The following ZCCHC7 variants were observed in gnomAD, a reference collection of about 807,000 sequenced individuals.
ZCCHC7 encodes zinc finger CCHC-type containing 7.
ZCCHC7 carries 35 observed loss-of-function variants against 52.0 expected under a neutral mutation model. That is an observed-to-expected ratio of 0.67 (90% CI 0.51 to 0.89). The LOEUF (loss-of-function observed/expected upper bound fraction) is 0.89. Ranked by LOEUF, ZCCHC7 falls within the 40% of genes least tolerant of loss-of-function variation. The pLI, the probability that ZCCHC7 is intolerant of heterozygous loss-of-function variation, is 0.00. For missense variants in ZCCHC7, 574 were observed against 649.1 expected, an observed-to-expected ratio of 0.88 and a Z score of 1.26; for synonymous variants, 217 against 221.5, an observed-to-expected ratio of 0.98 and a Z score of 0.18.
intron 2 of ZCCHC7, among the ~76,000 whole-genome samples, chr9:37,165,616 G>T (rs1375320902): frequency 2.6e-5 from 4 of 152,074 alleles, no homozygotes; most frequent in Non-Finnish European, 5.9e-5. Context: ...TATTAAAGTG[G>T]TCTTGTATTT....
chr9:37,178,475 AGAG>A (rs1444172484), intron 2 of ZCCHC7, among the ~76,000 whole-genome samples: 2 of 152,012 alleles, frequency 1.3e-5, no homozygotes, highest in Non-Finnish European at 2.9e-5. Context: ...AGAAGGTAAA[AGAG>A]AAAGTAGAAA....
At chr9:37,206,641 G>C (rs942977331) in intron 2 of ZCCHC7, among the ~76,000 whole-genome samples, 6 of 152,186 alleles carry the variant, frequency 3.9e-5, no homozygotes, top group East Asian at 1.9e-4. Flanking sequence ...TGTGAGCCAC[G>C]ATGCTGGGCC....
chr9:37,164,464 G>GAT (rs1461728793), intron 2 of ZCCHC7, among the ~76,000 whole-genome samples: 7 of 149,990 alleles, frequency 4.7e-5, no homozygotes, highest in Non-Finnish European at 1.0e-4. Flanking sequence ...TAGATAGATA[G>GAT]ATAGATAGAT....
chr9:37,304,051 G>C, intron 3 of ZCCHC7, 137 bp from the exon 4 acceptor site: 1 of 770,406 alleles, frequency 1.3e-6, no homozygotes, highest in South Asian at 1.9e-5. Context: ...TAATTCTCTT[G>C]CTTTATCAAG....
chr9:37,266,878 A>G (rs141566162), intron 2 of ZCCHC7, among the ~76,000 whole-genome samples: 1 of 152,332 alleles, frequency 6.6e-6, no homozygotes, highest in Non-Finnish European at 1.5e-5. Context: ...TGTCTCAAAA[A>G]ACAAAGTCTA....
intron 2 of ZCCHC7, among the ~76,000 whole-genome samples, chr9:37,172,797 G>A (rs556075237): frequency 6.6e-6 from 1 of 152,006 alleles, no homozygotes; most frequent in African/African-American, 2.4e-5. Context: ...AGTGAGCAGT[G>A]TGGGCATTCC....
chr9:37,156,377 C>T (rs776974819), intron 2 of ZCCHC7, among the ~76,000 whole-genome samples: 3 of 152,216 alleles, frequency 2.0e-5, no homozygotes, highest in East Asian at 3.9e-4. Flanking sequence ...TTTTTCAACT[C>T]GTTTCATGAT....
chr9:37,322,393 A>G (rs1051284659), intron 5 of ZCCHC7: 5 of 152,146 alleles, frequency 3.3e-5, no homozygotes, highest in Non-Finnish European at 5.9e-5. Context: ...AAGAGGAGGA[A>G]AGGCTAGTAA....
At chr9:37,279,316 GT>G (rs759656114) in intron 2 of ZCCHC7, among the ~76,000 whole-genome samples, 30 of 151,606 alleles carry the variant, frequency 2.0e-4, no homozygotes, top group Admixed American at 3.9e-4. Flanking sequence ...TTGGTGACAA[GT>G]TTTTTACATT....
chr9:37,254,921 G>A (rs953703044), intron 2 of ZCCHC7, among the ~76,000 whole-genome samples: 1 of 132,830 alleles, frequency 7.5e-6, no homozygotes, highest in Non-Finnish European at 1.5e-5. Flanking sequence ...CATGTAAATT[G>A]ATGGTTCAAA....
At chr9:37,196,456 A>G (rs1380369296) in intron 2 of ZCCHC7, among the ~76,000 whole-genome samples, 2 of 152,170 alleles carry the variant, frequency 1.3e-5, no homozygotes, top group Admixed American at 6.5e-5. Flanking sequence ...AAAGAAGAAT[A>G]TTTTAAATGG....
rs369703311 is a variant in ZCCHC7, at chr9:37,155,334, T to C, written c.610+28392T>C. 1.3e-4 allele frequency among the ~76,000 whole-genome samples: 20 copies of C among 151,790 alleles called. No individual in the cohort carries two copies. The East Asian group carries it at 3.7e-3, about 28-fold the overall frequency. On this transcript the variant is annotated intron_variant, in intron 2 of 8. Coordinates refer to ENST00000336755, the MANE Select transcript of ZCCHC7 (RefSeq NM_032226.3). ...CACCACTGCACTCCATCCAGCCTGG[T>C]GACAGAGCGAGACTCCGTCTCAAAA...
At chr9:37,157,587 T>C (rs140604040) in intron 2 of ZCCHC7, among the ~76,000 whole-genome samples, 1 of 152,326 alleles carries the variant, frequency 6.6e-6, no homozygotes, top group African/African-American at 2.4e-5. Context: ...GAACTCATAA[T>C]ACATATTTGT....
chr9:37,147,819 T>C (rs1316342429), intron 2 of ZCCHC7, among the ~76,000 whole-genome samples: 1 of 152,116 alleles, frequency 6.6e-6, no homozygotes, highest in Non-Finnish European at 1.5e-5. Context: ...TGAAAAATAC[T>C]TATCAACTAA....
intron 2 of ZCCHC7, among the ~76,000 whole-genome samples, chr9:37,238,103 CT>C (rs1488122113): frequency 6.6e-6 from 1 of 152,056 alleles, no homozygotes; most frequent in Non-Finnish European, 1.5e-5. Context: ...GAGTCTTGAC[CT>C]CTCTCTGCCA....
chr9:37,120,596 T>G lies in ZCCHC7; in HGVS notation c.-49T>G, dbSNP rs1842260168. 1 of 398,626 alleles carries G rather than the reference T, an allele frequency of 2.5e-6. No homozygotes were observed. 24.7% of individuals were successfully genotyped at this position (398,626 alleles called of 1,614,324 possible). ...TCCCTCTACGCGTTTTGGTTCCCGG[T>G]TGGTGCTTCCTGTTCGCAGCTGCGG... On this transcript the variant is annotated 5_prime_UTR_variant, in exon 1 of 9. Coordinates refer to ENST00000336755, the MANE Select transcript of ZCCHC7 (RefSeq NM_032226.3).
intron 2 of ZCCHC7, among the ~76,000 whole-genome samples, chr9:37,201,067 G>C (rs138331388): frequency 6.7e-4 from 102 of 152,332 alleles, no homozygotes; most frequent in African/African-American, 2.4e-3. Flanking sequence ...GCATGCTCTT[G>C]TAACTTTTGT....
rs889661240 is a variant in ZCCHC7 at position 37,162,542 on chromosome 9, A to T, written c.610+35600A>T. Among the ~76,000 whole-genome samples, 6 of 152,214 alleles carry T rather than the reference A, an allele frequency of 3.9e-5. No homozygotes were observed. The East Asian group carries it at 1.2e-3, about 29-fold the overall frequency. On this transcript the variant is annotated intron_variant, in intron 2 of 8. Coordinates refer to ENST00000336755, the MANE Select transcript of ZCCHC7 (RefSeq NM_032226.3). The stretch of plus-strand genomic sequence containing the variant: ...GCTTATTTCAGTCAGCATAATTGAG[A>T]TTCATCCATAAAGTAGCAAGTATCA...
intron 2 of ZCCHC7, among the ~76,000 whole-genome samples, chr9:37,224,720 G>A (rs573112070): frequency 2.6e-4 from 40 of 152,218 alleles, no homozygotes; most frequent in African/African-American, 9.4e-4. Context: ...AGAATTTGTG[G>A]ATAAAATTAC....
Sources: allele counts gnomAD v4.1 joint callset (sites outside exome capture counted in the v4.1 genomes callset), GRCh38; gene constraint gnomAD v4.1.1; transcripts MANE v1.5; gene names NCBI Gene and HGNC (gene_info 2026-07-23, HGNC 2026-07-21).